Variants in AOPEP observed in about 807,000 individuals in gnomAD.
AOPEP encodes aminopeptidase O.
Under a neutral mutation model 98.1 loss-of-function variants are expected in AOPEP, and 77 were observed. That is an observed-to-expected ratio of 0.78 (90% CI 0.65 to 0.95). AOPEP has a LOEUF of 0.95. Among genes scored for constraint, AOPEP ranks in the 40% least tolerant of loss-of-function variants. The probability of loss-of-function intolerance (pLI) is 0.00; values close to 1 mark genes in which losing one functional copy is unlikely to be tolerated. For missense variants in AOPEP, 1,024 were observed against 1,024.7 expected, an observed-to-expected ratio of 1.00 and a Z score of 0.01; for synonymous variants, 346 against 365.3, an observed-to-expected ratio of 0.95 and a Z score of 0.60.
intron 1 of AOPEP, among the ~76,000 whole-genome samples, chr9:94,743,792 A>G (rs1485924148): frequency 6.6e-6 from 1 of 152,172 alleles, no homozygotes; most frequent in East Asian, 1.9e-4. Flanking sequence ...TAAGGTCATT[A>G]GGAGGGGAAA....
In AOPEP at chr9:94,855,281, T is replaced by C. The variant is rs2044042105; in HGVS notation, c.1364+54279T>C. Among the ~76,000 whole-genome samples the C allele has an allele frequency of 1.3e-5, 2 of 151,712 alleles. 1 individual carries two copies. Among genetic ancestry groups the C allele is most frequent in the South Asian group, 4.2e-4 (2 of 4,768 alleles). On this transcript the variant is annotated intron_variant, in intron 5 of 16. Coordinates refer to ENST00000375315, the MANE Select transcript of AOPEP (RefSeq NM_001193329.3). Reference sequence around the variant, plus strand: ...TTAGTAGAAACGGGGTTTCGCCACATTGGCCAGGCTGGTCTTGAACTCCTG... The same window carrying C: ...TTAGTAGAAACGGGGTTTCGCCACACTGGCCAGGCTGGTCTTGAACTCCTG...
intron 5 of AOPEP, among the ~76,000 whole-genome samples, chr9:94,869,971 A>ATTTT (rs10556167): frequency 9.8e-4 from 92 of 93,550 alleles, no homozygotes; most frequent in African/African-American, 3.6e-3. Context: ...GAAGCCATGA[A>ATTTT]TTTTTTTTTT....
At chr9:94,897,796 C>G (rs920315822) in intron 5 of AOPEP, among the ~76,000 whole-genome samples, 1 of 148,310 alleles carries the variant, frequency 6.7e-6, no homozygotes, top group Non-Finnish European at 1.5e-5. Flanking sequence ...GTTGTGACTT[C>G]TTTGAGGGCC....
At chr9:95,028,513 G>C (rs541051383) in intron 13 of AOPEP, among the ~76,000 whole-genome samples, 79 of 152,328 alleles carry the variant, frequency 5.2e-4, no homozygotes, top group Non-Finnish European at 9.0e-4. Context: ...ATTCTTTTAT[G>C]TACACAGTTT....
Position 95,011,404 on chromosome 9 carries a change from G to A in AOPEP, c.2115+5788G>A, listed in dbSNP as rs142756666. Reference sequence around the variant, plus strand: ...TTTTTAGTAGAGATGGGGTTTCACCGTGTTAGCCAGGATGGTCTCTATCTC... The same window carrying A: ...TTTTTAGTAGAGATGGGGTTTCACCATGTTAGCCAGGATGGTCTCTATCTC... On this transcript the variant is annotated intron_variant, in intron 13 of 16. Coordinates refer to ENST00000375315, the MANE Select transcript of AOPEP (RefSeq NM_001193329.3). 2.9e-3 allele frequency among the ~76,000 whole-genome samples: 445 copies of A among 151,996 alleles called. 3 individuals are homozygous for A. Among genetic ancestry groups the A allele is most frequent in the African/African-American group, 1.0e-2 (414 of 41,444 alleles).
At chr9:95,074,310 T>C (rs187053828) in intron 14 of AOPEP, among the ~76,000 whole-genome samples, 11 of 152,342 alleles carry the variant, frequency 7.2e-5, no homozygotes, top group East Asian at 1.9e-4. Flanking sequence ...CTGCCAGATA[T>C]GTGTCTGATG....
intron 13 of AOPEP, among the ~76,000 whole-genome samples, chr9:95,041,790 C>T (rs756277351): frequency 2.0e-5 from 3 of 151,956 alleles, no homozygotes; most frequent in African/African-American, 7.3e-5. Flanking sequence ...GCCTCCGTGG[C>T]GCTATAAAAG....
intron 3 of AOPEP, among the ~76,000 whole-genome samples, chr9:94,779,276 G>A (rs1344516914): frequency 6.6e-6 from 1 of 152,126 alleles, no homozygotes; most frequent in African/African-American, 2.4e-5. Context: ...GCACTGATAG[G>A]TGGCCTACTC....
chr9:95,035,621 T>C (rs2064747939), intron 13 of AOPEP, among the ~76,000 whole-genome samples: 1 of 148,982 alleles, frequency 6.7e-6, no homozygotes, highest in Non-Finnish European at 1.5e-5. Flanking sequence ...TGGGTTCAAG[T>C]GATTCTCCTG....
intron 5 of AOPEP, among the ~76,000 whole-genome samples, chr9:94,890,153 G>T (rs537397761): frequency 6.8e-6 from 1 of 147,660 alleles, no homozygotes; most frequent in Non-Finnish European, 1.5e-5. Flanking sequence ...TCAGCCTCCC[G>T]AGTAGCTGGG....
At chr9:95,125,295 T>C in the AOPEP span, 2 of 808,688 alleles carry the variant, frequency 2.5e-6, no homozygotes, top group Non-Finnish European at 4.3e-6. Flanking sequence ...GCCATAAGCT[T>C]CAGCAGTATC....
intron 5 of AOPEP, among the ~76,000 whole-genome samples, chr9:94,890,313 C>T (rs1478644476): frequency 7.2e-5 from 11 of 152,094 alleles, no homozygotes; most frequent in Admixed American, 7.2e-4. Flanking sequence ...AGCAATTCTC[C>T]TGCCTCAGCC....
chr9:94,764,274 A>G (rs996145584), intron 2 of AOPEP, among the ~76,000 whole-genome samples: 64 of 152,234 alleles, frequency 4.2e-4, no homozygotes, highest in Non-Finnish European at 2.6e-4. Context: ...AGCACTTCTG[A>G]AAACGAATAA....
intron 1 of AOPEP, among the ~76,000 whole-genome samples, chr9:94,735,764 A>T (rs12344256): frequency 0.089 from 13,490 of 152,208 alleles, 710 homozygotes; most frequent in African/African-American, 0.13. Flanking sequence ...TCACCACTGT[A>T]TAATTTTAGG....
downstream of AOPEP, among the ~76,000 whole-genome samples, chr9:95,087,856 A>C (rs73654514): frequency 0.015 from 2,352 of 152,304 alleles, 63 homozygotes; most frequent in African/African-American, 0.053. Flanking sequence ...TGGGCTGAGC[A>C]TGAGTGCACC....
chr9:95,067,893 T>G (rs2068076737), intron 14 of AOPEP, among the ~76,000 whole-genome samples: 1 of 152,210 alleles, frequency 6.6e-6, no homozygotes, highest in South Asian at 2.1e-4. Context: ...CTCTATAGAT[T>G]TGCCTATTCT....
chr9:94,925,557 T>A (rs1353358086), intron 6 of AOPEP, among the ~76,000 whole-genome samples: 2 of 152,266 alleles, frequency 1.3e-5, no homozygotes, highest in African/African-American at 2.4e-5. Flanking sequence ...CTTACCTTTT[T>A]AAACTTATTT....
intron 2 of AOPEP, among the ~76,000 whole-genome samples, chr9:94,766,141 A>G (rs1839551115): frequency 6.6e-6 from 1 of 152,250 alleles, no homozygotes; most frequent in South Asian, 2.1e-4. Context: ...TACGTAAGAA[A>G]TAAACTTTTA....
chr9:95,086,698 A>G lies in AOPEP; in HGVS notation c.*21A>G. On this transcript the variant is annotated 3_prime_UTR_variant, in exon 17 of 17. Transcript: ENST00000375315. ...CCTTTGCAGGAAAGACCACAGCAAG[A>G]TTCTTTCATTCGTCTCCTCCTAGCC... 1.0e-6 allele frequency: 1 copy of G among 988,254 alleles called. No individual in the cohort carries two copies. Among genetic ancestry groups the G allele is most frequent in the Non-Finnish European group, 1.2e-6 (1 of 830,526 alleles). The allele number at this position is 988,254 out of a possible 1,614,324, so 61.2% of individuals were successfully genotyped here.
Sources: gnomAD v4.1 joint callset for allele counts (sites outside exome capture counted in the v4.1 genomes callset) on GRCh38, gnomAD v4.1.1 for gene constraint, MANE v1.5 for transcripts, NCBI Gene and HGNC (gene_info 2026-07-23, HGNC 2026-07-21) for gene names.